Variants in MCM3AP observed in about 807,000 individuals in gnomAD.
MCM3AP encodes the protein germinal-center associated nuclear protein.
A neutral mutation model predicts 184.1 loss-of-function variants in MCM3AP; 126 were observed. The observed-to-expected ratio is 0.68, with a 90% CI of 0.59 to 0.79. MCM3AP has a LOEUF of 0.79. MCM3AP is among the 30% of genes least tolerant of loss of function. MCM3AP has a pLI of 0.00. For synonymous variants in MCM3AP, 1,002 were observed against 979.3 expected (o/e 1.02, Z -0.43); for missense variants, 2,496 against 2,479.2 (o/e 1.01, Z -0.14).
At position 46,283,837 on chromosome 21, in the gene MCM3AP, A is replaced by T. The variant is rs1336590504; in HGVS notation, c.1221T>A (p.Asp407Glu). 2 of 1,611,176 alleles carry T rather than the reference A, an allele frequency of 1.2e-6. No individual in the cohort carries two copies. Residue 407 changes from aspartate to glutamate, a missense_variant and splice_region_variant, in exon 2 of 28, where the codon GAT becomes GAA. This residue lies in a region of MCM3AP where 800 missense variants were observed against 717.1 expected (regional missense o/e 1.12). Coordinates refer to ENST00000291688, the MANE Select transcript of MCM3AP (RefSeq NM_003906.5). ...EETESREKKE[D>E]SLRGTPARQS... ...GACGCGCCGGAGTTCCTCTTAGAGA[A>T]TCTAGGGGTTCAGAGAATGGACACT...
intron 9 of MCM3AP, among the ~76,000 whole-genome samples, chr21:46,269,658 C>T (rs1308925914): frequency 6.6e-6 from 1 of 152,186 alleles, no homozygotes; most frequent in African/African-American, 2.4e-5. Flanking sequence ...ATCCTCCCCA[C>T]GCTGTGGCCA....
rs758421500 is a variant in MCM3AP, at chr21:46,280,496, C to G, written c.1522+1G>C. On this transcript the variant is annotated splice_donor_variant, in intron 3 of 27. Transcript: ENST00000291688. LOFTEE classifies it high-confidence loss of function. The stretch of plus-strand genomic sequence containing the variant: ...AGTGAAAAGAATAATTGAAAACTCA[C>G]TTATTTTCTTCCTGTGCCAAAAGAT... 1 of 1,596,862 alleles carries G rather than the reference C, an allele frequency of 6.3e-7. No individual in the cohort carries two copies. The highest frequency in any genetic ancestry group is 8.6e-7 in the Non-Finnish European group (1 of 1,167,382).
intron 27 of MCM3AP, chr21:46,236,300 G>C (rs1317545290): frequency 1.3e-5 from 2 of 152,184 alleles, no homozygotes; most frequent in Admixed American, 1.3e-4. Context: ...CTCTGTTTTT[G>C]CATCTTTAAC....
Position 46,285,571 on chromosome 21 carries a change from A to C in MCM3AP, c.-285T>G. 2.8e-6 allele frequency: 1 copy of C among 361,106 alleles called. No individual in the cohort carries two copies. Among genetic ancestry groups the C allele is most frequent in the Non-Finnish European group, 5.0e-6 (1 of 199,120 alleles). The allele number at this position is 361,106 out of a possible 1,614,324, so 22.4% of individuals were successfully genotyped here. On this transcript the variant is annotated 5_prime_UTR_variant, in exon 1 of 28. Coordinates refer to ENST00000291688, the MANE Select transcript of MCM3AP (RefSeq NM_003906.5). ...GGTGGGGTAGAGAGTGGTACAAATA[A>C]TTACTTTGTTACAGAGGTTTAAAGC...
intron 25 of MCM3AP, chr21:46,242,081 GGACTT>G (rs2080676718): frequency 6.6e-6 from 1 of 152,124 alleles, no homozygotes; most frequent in Non-Finnish European, 1.5e-5. Flanking sequence ...ATGGTTCTAT[GGACTT>G]GACTTTTCTT....
In MCM3AP at chr21:46,265,522, G is replaced by C; in HGVS notation, c.3033C>G (p.Gly1011=). 6.3e-7 allele frequency: 1 copy of C among 1,584,462 alleles called. No homozygotes were observed. Among genetic ancestry groups the C allele is most frequent in the Non-Finnish European group, 8.6e-7 (1 of 1,165,454 alleles). The change falls in exon 12 of 28, where the codon GGC becomes GGG. Residue 1011 remains glycine, a splice_region_variant and synonymous_variant. Coordinates refer to ENST00000291688, the MANE Select transcript of MCM3AP (RefSeq NM_003906.5). ...CACCACACTCCTCTCCTCTCCCTCC[G>C]CCTGGAAGGAAACATACAGGACAAA... ...STQRPGSDTV[G]GGRGEECGVE... is the part of the protein sequence containing the mutation.
intron 19 of MCM3AP, 100 bp from the exon 20 acceptor site, chr21:46,251,782 TCA>T (rs2145636870): frequency 1.5e-6 from 1 of 680,188 alleles, no homozygotes; most frequent in Admixed American, 2.9e-5. Flanking sequence ...AAGAAAAATA[TCA>T]CACAGACCTA....
upstream of MCM3AP, chr21:46,286,078 GA>G (rs2081420002): frequency 6.6e-6 from 1 of 152,228 alleles, no homozygotes; most frequent in African/African-American, 2.4e-5. Flanking sequence ...CGACGATGTG[GA>G]GGCCCGGGCG....
chr21:46,258,390 G>T (rs1173740845), intron 16 of MCM3AP, among the ~76,000 whole-genome samples: 1 of 152,170 alleles, frequency 6.6e-6, no homozygotes, highest in African/African-American at 2.4e-5. Flanking sequence ...AGAAGTTGTG[G>T]CCATGAGAGG....
chr21:46,256,260 CGGGGTAACCAGGA>C (rs2080947003), intron 17 of MCM3AP, among the ~76,000 whole-genome samples: 1 of 152,020 alleles, frequency 6.6e-6, no homozygotes, highest in Non-Finnish European at 1.5e-5. Flanking sequence ...CGGTTCTGCT[CGGGGTAACCAGGA>C]GGAGTGGCAG....
Position 46,264,152 on chromosome 21 carries a change from G to A in MCM3AP, c.3300C>T (p.Gly1100=), listed in dbSNP as rs761841523. 5 of 1,613,846 alleles carry A rather than the reference G, an allele frequency of 3.1e-6. No homozygotes were observed. Among genetic ancestry groups the A allele is most frequent in the South Asian group, 1.1e-5 (1 of 91,084 alleles). The change falls in exon 13 of 28, where the codon GGC becomes GGT. Residue 1100 remains glycine, a synonymous_variant. Transcript: ENST00000291688. ...CAGCTGCGTAGGCAGCACCCGCAGA[G>A]CCAACTTCCTCACAGTCCCTCTGCA... ...EALQRDCEEV[G]SAGAAYAAAA... is the part of the protein sequence containing the mutation.
At chr21:46,254,366 C>T in intron 19 of MCM3AP, 26 bp downstream of exon 19, 1 of 1,612,856 alleles carries the variant, frequency 6.2e-7, no homozygotes, top group Non-Finnish European at 8.5e-7. Flanking sequence ...CTCTTGGAAA[C>T]CCCACAGGGG....
Position 46,283,711 on chromosome 21 carries a change from C to T in MCM3AP, c.1347G>A (p.Arg449=), listed in dbSNP as rs758050942. The stretch of plus-strand genomic sequence containing the variant: ...TGCCAAAATGGTTCTCCAGAATGGT[C>T]CTGTCGTTGAGGTAGTCAGGGATGT... ...CKNIPDYLND[R]TILENHFGKI... Residue 449 remains arginine, a synonymous_variant, in exon 2 of 28, where the codon AGG becomes AGA. Coordinates refer to ENST00000291688, the MANE Select transcript of MCM3AP (RefSeq NM_003906.5). 7.4e-6 allele frequency: 12 copies of T among 1,614,064 alleles called. No individual in the cohort carries two copies. The South Asian group carries it at 1.2e-4, about 16-fold the overall frequency.
chr21:46,264,208 G>A lies in MCM3AP; in HGVS notation c.3244C>T (p.Gln1082Ter). 1 of 1,611,752 alleles carries A rather than the reference G, an allele frequency of 6.2e-7. No homozygotes were observed. Among genetic ancestry groups the A allele is most frequent in the Non-Finnish European group, 8.5e-7 (1 of 1,178,838 alleles). The change falls in exon 13 of 28, where the codon CAG becomes TAG. Residue 1082 changes from glutamine (Q) to a stop codon, truncating the protein, a stop_gained. Transcript: ENST00000291688. LOFTEE classifies it high-confidence loss of function. ...TCCTGGATGAGCTCGTCCACCACCT[G>A]CGCCAGGTCCTGTGGAGAGACCAGC... ...VPMYSDEDLA[Q>*]VVDELIQEAL...
chr21:46,275,052 A>G (rs193199652), intron 6 of MCM3AP, 134 bp downstream of exon 6: 1 of 967,734 alleles, frequency 1.0e-6, no homozygotes, highest in African/African-American at 1.7e-5. Context: ...ACAATGCAAA[A>G]CAGCTTAATA....
At chr21:46,239,522 C>T (rs1332476474) in intron 26 of MCM3AP, among the ~76,000 whole-genome samples, 5 of 152,074 alleles carry the variant, frequency 3.3e-5, no homozygotes, top group African/African-American at 7.2e-5. Context: ...AGGATGGAGC[C>T]GCCATCAACA....
chr21:46,247,363 G>C (rs964881220), intron 20 of MCM3AP: 1 of 152,214 alleles, frequency 6.6e-6, no homozygotes, highest in Non-Finnish European at 1.5e-5. Flanking sequence ...CAGATATAAG[G>C]CATGTTCATA....
At chr21:46,254,988 A>G (rs939016653) in intron 17 of MCM3AP, 144 bp from the exon 18 acceptor site, 2 of 688,538 alleles carry the variant, frequency 2.9e-6, no homozygotes, top group Non-Finnish European at 5.3e-6. Flanking sequence ...TTCCACAAAT[A>G]TCATGTTAAG....
At chr21:46,247,161 C>G in intron 20 of MCM3AP, 1 of 373,706 alleles carries the variant, frequency 2.7e-6, no homozygotes, top group Non-Finnish European at 4.9e-6. Context: ...ATTATGTTGC[C>G]CAGGCTGGTC....
Sources: gnomAD v4.1 joint callset for allele counts (sites outside exome capture counted in the v4.1 genomes callset) on GRCh38, gnomAD v4.1.1 for gene constraint, gnomAD v4.1.1 regional missense constraint, MANE v1.5 for transcripts, NCBI Gene and HGNC (gene_info 2026-07-23, HGNC 2026-07-21) for gene names.